The following SHC2 variants were observed in gnomAD, a reference collection of about 807,000 sequenced individuals.
The protein encoded by SHC2 is SHC adaptor protein 2, also known as SHC-transforming protein 2.
A neutral mutation model predicts 60.6 loss-of-function variants in SHC2; 62 were observed. The observed-to-expected ratio is 1.02, with a 90% CI of 0.83 to 1.26. The LOEUF (loss-of-function observed/expected upper bound fraction) is 1.26, where lower values mean the gene tolerates loss of function less well. Among genes scored for constraint, SHC2 ranks in the 50% most tolerant of loss-of-function variants. The probability of loss-of-function intolerance (pLI) is 0.00; values close to 1 mark genes in which losing one functional copy is unlikely to be tolerated. For synonymous variants in SHC2, 375 were observed against 372.4 expected, an observed-to-expected ratio of 1.01 and a Z score of -0.08; for missense variants, 873 against 822.2, an observed-to-expected ratio of 1.06 and a Z score of -0.76.
At chr19:457,027 A>AC (rs1209533505) in intron 1 of SHC2, among the ~76,000 whole-genome samples, 1 of 113,318 alleles carries the variant, frequency 8.8e-6, no homozygotes. Flanking sequence ...CTGTCTGTAA[A>AC]CCCACCGCGT....
chr19:457,904 C>A (rs910749200), intron 1 of SHC2, among the ~76,000 whole-genome samples: 2 of 152,232 alleles, frequency 1.3e-5, no homozygotes, highest in African/African-American at 4.8e-5. Flanking sequence ...GAAAACAGAC[C>A]CAACCAGGCC....
chr19:427,546 G>C (rs1011451050), intron 9 of SHC2, among the ~76,000 whole-genome samples: 1 of 145,754 alleles, frequency 6.9e-6, no homozygotes, highest in African/African-American at 2.5e-5. Flanking sequence ...ATTGCGCACG[G>C]CACAGGGAAG....
intron 5 of SHC2, 90 bp downstream of exon 5, chr19:436,540 A>G (rs1974726676): frequency 1.3e-6 from 2 of 1,580,662 alleles, no homozygotes; most frequent in Non-Finnish European, 1.7e-6. Context: ...GGCACAGGGT[A>G]CGTTAGGCGG....
chr19:428,363 C>G (rs1974472815), intron 9 of SHC2, among the ~76,000 whole-genome samples: 1 of 152,214 alleles, frequency 6.6e-6, no homozygotes, highest in Non-Finnish European at 1.5e-5. Flanking sequence ...CGTTTAAGGT[C>G]ACCACACTGC....
chr19:428,860 A>G (rs1974487693), intron 9 of SHC2, among the ~76,000 whole-genome samples: 1 of 152,030 alleles, frequency 6.6e-6, no homozygotes, highest in Admixed American at 6.5e-5. Flanking sequence ...CCTATACCCA[A>G]CATGCACAGA....
Position 460,522 on chromosome 19 carries a change from G to GC in SHC2, c.468+6_468+7insG, listed in dbSNP as rs1975520533. The GC allele has an allele frequency of 1.0e-6, 1 of 983,142 alleles. No homozygotes were observed. The highest frequency in any genetic ancestry group is 1.3e-6 in the Non-Finnish European group (1 of 783,482). 60.9% of individuals were successfully genotyped at this position (983,142 alleles called of 1,614,324 possible). ...ACGGGCTCCCGGGGGGGGTGGGGGG[G>GC]ACTCACCCGCACGACGTAGGAGACC... On this transcript the variant is annotated splice_region_variant and intron_variant, in intron 1 of 12. Coordinates refer to ENST00000264554, the MANE Select transcript of SHC2 (RefSeq NM_012435.3).
intron 1 of SHC2, among the ~76,000 whole-genome samples, chr19:456,174 G>C (rs1056516620): frequency 1.3e-4 from 20 of 152,312 alleles, no homozygotes; most frequent in East Asian, 3.9e-4. Context: ...GCGGGCCTGA[G>C]CCGCCGGCCG....
At chr19:419,471 T>C (rs10414744) in intron 11 of SHC2, 126,242 of 156,816 alleles carry the variant, frequency 0.81, 51,599 homozygotes, top group East Asian at 0.95. Context: ...AAGGAAAACA[T>C]GCAGATGGGC....
chr19:449,055 C>G (rs1421505244), intron 1 of SHC2, among the ~76,000 whole-genome samples: 1 of 152,076 alleles, frequency 6.6e-6, no homozygotes, highest in Non-Finnish European at 1.5e-5. Flanking sequence ...GTAGTCCCAG[C>G]TACTCGGGAG....
At position 425,278 on chromosome 19, in the gene SHC2, G is replaced by C; in HGVS notation, c.1175-47C>G. The stretch of plus-strand genomic sequence containing the variant: ...AGGGGGTCAGCTGGGAGCCAGGCGA[G>C]GGGCTCGCAGGGAGCAAGGCGGGGT... On this transcript the variant is annotated intron_variant, in intron 9 of 12. Transcript: ENST00000264554. The surrounding 1 kb of genome is among the most constrained non-coding windows in gnomAD (Gnocchi z 4.1). 4.6e-6 allele frequency: 6 copies of C among 1,299,762 alleles called. No individual in the cohort carries two copies. The South Asian group carries it at 1.8e-4, about 39-fold the overall frequency. The allele number at this position is 1,299,762 out of a possible 1,614,324, so 80.5% of individuals were successfully genotyped here. A position where few individuals can be genotyped will look rare whatever the true frequency, so the allele number is the denominator to read the frequency against.
At position 438,996 on chromosome 19, in the gene SHC2, C is replaced by A; in HGVS notation, c.574G>T (p.Gly192Cys). The change falls in exon 3 of 13, where the codon GGC becomes TGC. Residue 192 changes from glycine to cysteine, a missense_variant. Transcript: ENST00000264554. The surrounding 1 kb of genome is among the most constrained non-coding windows in gnomAD (Gnocchi z 5.0). The stretch of plus-strand genomic sequence containing the variant: ...TTTTTCTTCCAGGATCCCCGGACGC[C>A]AGGCACGGCCTCATGGAGCCGGTTG... The part of the protein sequence containing the change: ...AINRLHEAVP[G>C]VRGSWKKKAP... 1 of 1,600,944 alleles carries A rather than the reference C, an allele frequency of 6.2e-7. No individual in the cohort carries two copies. Among genetic ancestry groups the A allele is most frequent in the Non-Finnish European group, 8.5e-7 (1 of 1,174,574 alleles).
chr19:455,049 G>A (rs530301670), intron 1 of SHC2, among the ~76,000 whole-genome samples: 4 of 152,194 alleles, frequency 2.6e-5, no homozygotes, highest in Non-Finnish European at 4.4e-5. Flanking sequence ...TGAATCCAAC[G>A]TGACCTTGTT....
chr19:431,326 G>C (rs1974585827), intron 8 of SHC2, among the ~76,000 whole-genome samples: 1 of 149,862 alleles, frequency 6.7e-6, no homozygotes, highest in African/African-American at 2.5e-5. Flanking sequence ...CGGGCAGATA[G>C]ATGGCGCTTC....
chr19:441,186 C>T lies in SHC2; in HGVS notation c.469-254G>A, dbSNP rs148721060. Reference sequence around the variant, plus strand: ...TCAGGAGCCTGGTGGTTCCCCCAGACGCTCTATGCTGCTTGTTCATTTAAC... The same window carrying T: ...TCAGGAGCCTGGTGGTTCCCCCAGATGCTCTATGCTGCTTGTTCATTTAAC... On this transcript the variant is annotated intron_variant, in intron 1 of 12. Transcript: ENST00000264554. The surrounding 1 kb of genome is among the most constrained non-coding windows in gnomAD (Gnocchi z 4.9). 387 of 984,264 alleles carry T rather than the reference C, an allele frequency of 3.9e-4. No homozygotes were observed. The highest frequency in any genetic ancestry group is 1.2e-3 in the Admixed American group (20 of 16,284). 61.0% of individuals were successfully genotyped at this position (984,264 alleles called of 1,614,324 possible).
In SHC2 at chr19:422,253, C is replaced by G. The variant is rs755822610; in HGVS notation, c.1513G>C (p.Gly505Arg). 1.2e-6 allele frequency: 2 copies of G among 1,612,390 alleles called. No individual in the cohort carries two copies. The highest frequency in any genetic ancestry group is 1.7e-5 in the Admixed American group (1 of 59,986). The change falls in exon 11 of 13, where the codon GGG becomes CGG. Residue 505 changes from glycine to arginine, a missense_variant. By Grantham distance (125) the Gly-to-Arg change is moderately radical (BLOSUM62 -2). Coordinates refer to ENST00000264554, the MANE Select transcript of SHC2 (RefSeq NM_012435.3). This position sits in a 1 kb window ranked among gnomAD's most constrained non-coding sequence, Gnocchi z 5.0. ...RAAERMLRAD[G>R]DFLVRDSVTN... Reference sequence around the variant, plus strand: ...ACGCTGTCTCGCACAAGGAAGTCCCCGTCAGCTCGAAGCATCCTCTCTGCC... The same window carrying G: ...ACGCTGTCTCGCACAAGGAAGTCCCGGTCAGCTCGAAGCATCCTCTCTGCC...
rs776457935 is a variant in SHC2, at chr19:424,919, G to A, written c.1309+178C>T. 6.6e-5 allele frequency among the ~76,000 whole-genome samples: 10 copies of A among 152,118 alleles called. No individual in the cohort carries two copies. The highest frequency in any genetic ancestry group is 2.1e-4 in the South Asian group (1 of 4,826). On this transcript the variant is annotated intron_variant, in intron 10 of 12. Coordinates refer to ENST00000264554, the MANE Select transcript of SHC2 (RefSeq NM_012435.3). The surrounding 1 kb of genome is among the most constrained non-coding windows in gnomAD (Gnocchi z 4.5). The stretch of plus-strand genomic sequence containing the variant: ...GACACCCCCATCAGACAAGGCCTCC[G>A]ACAGGAGACAGACTGGGCTTCCCCG...
At position 422,563 on chromosome 19, in the gene SHC2, G is replaced by C. The variant is rs1033600229; in HGVS notation, c.1310-107C>G. ...TCCCCGGGGAGTCCCTCGTGCACCC[G>C]TCGGCCTGCGCTGACCGAGCGCCCA... On this transcript the variant is annotated intron_variant, in intron 10 of 12. Transcript: ENST00000264554. This position sits in a 1 kb window ranked among gnomAD's most constrained non-coding sequence, Gnocchi z 5.0. The C allele has an allele frequency of 2.9e-5, 27 of 921,780 alleles. No homozygotes were observed. Among genetic ancestry groups the C allele is most frequent in the Non-Finnish European group, 3.5e-5 (22 of 624,636 alleles). The allele number at this position is 921,780 out of a possible 1,614,324, so 57.1% of individuals were successfully genotyped here.
At chr19:457,406 C>CCTTTGCACCTGCACCTG (rs1555710252) in intron 1 of SHC2, among the ~76,000 whole-genome samples, 4 of 152,146 alleles carry the variant, frequency 2.6e-5, no homozygotes, top group South Asian at 2.1e-4. Context: ...AACCCCACGG[C>CCTTTGCACCTGCACCTG]CGGGGTTTCC....
At chr19:458,116 G>T (rs141504870) in intron 1 of SHC2, among the ~76,000 whole-genome samples, 2,114 of 139,744 alleles carry the variant, frequency 0.015, 31 homozygotes, top group East Asian at 0.06. Context: ...AGGCAGAAGC[G>T]GGTCTTGGGG....
Sources: allele counts gnomAD v4.1 joint callset (sites outside exome capture counted in the v4.1 genomes callset), GRCh38; gene constraint gnomAD v4.1.1; non-coding constraint Gnocchi (gnomAD v3.1); transcripts MANE v1.5; gene names NCBI Gene and HGNC (gene_info 2026-07-23, HGNC 2026-07-21).